RAB3IP: variants seen among roughly 807,000 people sequenced by gnomAD.
RAB3IP encodes the protein rab-3A-interacting protein.
In RAB3IP, 36 loss-of-function variants were observed where a neutral mutation model predicts 59.1. The ratio of observed to expected loss-of-function variants is 0.61; its 90% CI spans 0.47 to 0.80. The LOEUF is 0.80. Among genes scored for constraint, RAB3IP ranks in the 30% least tolerant of loss-of-function variants. The pLI is 0.00. For synonymous variants in RAB3IP, 207 were observed against 191.2 expected (o/e 1.08, Z -0.68); for missense variants, 511 against 536.0 (o/e 0.95, Z 0.46).
At chr12:69,796,380 C>T (rs1345918492) in intron 6 of RAB3IP, 1 of 287,046 alleles carries the variant, frequency 3.5e-6, no homozygotes, top group Non-Finnish European at 6.4e-6. Context: ...ATATTTTGAG[C>T]TGTTTAGAGT....
chr12:69,766,058 T>C (rs1391473538), intron 3 of RAB3IP, among the ~76,000 whole-genome samples: 1 of 152,210 alleles, frequency 6.6e-6, no homozygotes, highest in Middle Eastern at 3.2e-3. Flanking sequence ...ATCTAACCTT[T>C]TTCTCAGCCT....
At chr12:69,767,620 T>C (rs1872435958) in intron 3 of RAB3IP, among the ~76,000 whole-genome samples, 1 of 152,190 alleles carries the variant, frequency 6.6e-6, no homozygotes, top group Non-Finnish European at 1.5e-5. Context: ...AAATTCTTGA[T>C]CTAAGAGAGT....
intron 8 of RAB3IP, among the ~76,000 whole-genome samples, chr12:69,809,234 C>G (rs1363489880): frequency 2.0e-5 from 3 of 152,034 alleles, no homozygotes; most frequent in African/African-American, 7.3e-5. Flanking sequence ...GGCCCTCACT[C>G]TCTTCTGGCT....
chr12:69,759,832 C>T (rs555339554), intron 3 of RAB3IP, among the ~76,000 whole-genome samples: 16 of 151,954 alleles, frequency 1.1e-4, no homozygotes, highest in Admixed American at 4.6e-4. Context: ...GGCTGCCGGG[C>T]GGAGGGGCTC....
intron 3 of RAB3IP, among the ~76,000 whole-genome samples, chr12:69,766,294 C>G (rs960535071): frequency 2.0e-5 from 3 of 152,126 alleles, no homozygotes; most frequent in African/African-American, 7.2e-5. Context: ...GCCAATAATT[C>G]ATAGGTTTGT....
intron 3 of RAB3IP, among the ~76,000 whole-genome samples, chr12:69,780,214 G>A (rs929399834): frequency 6.6e-6 from 1 of 152,176 alleles, no homozygotes; most frequent in African/African-American, 2.4e-5. Context: ...ATGTTTCCCC[G>A]CAATTCCCTG....
In RAB3IP at chr12:69,816,277, A is replaced by G. The variant is rs1187805098; in HGVS notation, c.*831A>G. The G allele has an allele frequency of 1.3e-5, 2 of 152,168 alleles. No individual in the cohort carries two copies. Among genetic ancestry groups the G allele is most frequent in the South Asian group, 4.1e-4 (2 of 4,834 alleles). 9.4% of individuals were successfully genotyped at this position (152,168 alleles called of 1,614,324 possible). A position where few individuals can be genotyped will look rare whatever the true frequency, so the allele number is the denominator to read the frequency against. On this transcript the variant is annotated 3_prime_UTR_variant, in exon 11 of 11. Transcript: ENST00000247833. ...CATTCCAAATTGTAAAACTGACTCA[A>G]CTGGAGAAATTATAACAAAGAGGTT...
At chr12:69,787,740 T>C (rs1045830020) in intron 4 of RAB3IP, among the ~76,000 whole-genome samples, 1 of 152,174 alleles carries the variant, frequency 6.6e-6, no homozygotes, top group Non-Finnish European at 1.5e-5. Flanking sequence ...CCAAACTTTT[T>C]GATCCTGTAC....
At position 69,818,541 on chromosome 12, in the gene RAB3IP, T is replaced by C. The variant is rs1881377657; in HGVS notation, c.*3095T>C. 1 of 152,048 alleles carries C rather than the reference T, an allele frequency of 6.6e-6. No homozygotes were observed. Among genetic ancestry groups the C allele is most frequent in the Non-Finnish European group, 1.5e-5 (1 of 68,024 alleles). The allele number at this position is 152,048 out of a possible 1,614,324, so 9.4% of individuals were successfully genotyped here. A position where few individuals can be genotyped will look rare whatever the true frequency, so the allele number is the denominator to read the frequency against. On this transcript the variant is annotated 3_prime_UTR_variant, in exon 11 of 11. Coordinates refer to ENST00000247833, the MANE Select transcript of RAB3IP (RefSeq NM_022456.5). ...TTGCACAGGTCCCCCAGATCACACATATAAGAATGTTCTGGAATAAATTAA... is the reference window on the plus strand; with the variant it reads ...TTGCACAGGTCCCCCAGATCACACACATAAGAATGTTCTGGAATAAATTAA...
Position 69,823,096 on chromosome 12 carries a change from C to A in RAB3IP, c.*7650C>A, listed in dbSNP as rs781515440. On this transcript the variant is annotated 3_prime_UTR_variant, in exon 11 of 11. Transcript: ENST00000247833. The stretch of plus-strand genomic sequence containing the variant: ...TGATGGATATGCTAATTACCCTGAT[C>A]TGATCACTACACATTATATGTATGG... 1 of 152,104 alleles carries A rather than the reference C, an allele frequency of 6.6e-6. No individual in the cohort carries two copies. Among genetic ancestry groups the A allele is most frequent in the Non-Finnish European group, 1.5e-5 (1 of 68,016 alleles). The allele number at this position is 152,104 out of a possible 1,614,324, so 9.4% of individuals were successfully genotyped here.
chr12:69,766,615 G>A (rs911854705), intron 3 of RAB3IP, among the ~76,000 whole-genome samples: 1 of 151,818 alleles, frequency 6.6e-6, no homozygotes, highest in Non-Finnish European at 1.5e-5. Context: ...CCGCTTCCCA[G>A]GTTCAAGTGA....
chr12:69,758,748 G>A (rs1374206564), intron 3 of RAB3IP, among the ~76,000 whole-genome samples: 2 of 52,286 alleles, frequency 3.8e-5, no homozygotes, highest in Admixed American at 4.6e-4. Context: ...GCATCTGTGT[G>A]TTCATTCCTT....
chr12:69,786,802 AGGC>A (rs1555224653), intron 4 of RAB3IP, among the ~76,000 whole-genome samples: 6 of 151,544 alleles, frequency 4.0e-5, no homozygotes, highest in Non-Finnish European at 7.4e-5. Flanking sequence ...CTTAGGCAAT[AGGC>A]AATAAGTGAA....
At chr12:69,769,363 T>C (rs1052884839) in intron 3 of RAB3IP, among the ~76,000 whole-genome samples, 2 of 152,190 alleles carry the variant, frequency 1.3e-5, no homozygotes, top group African/African-American at 2.4e-5. Flanking sequence ...ACTCCAGGGA[T>C]TGGGAGAAAC....
chr12:69,755,355 A>C, intron 1 of RAB3IP, 29 bp from the exon 2 acceptor site: 1 of 1,560,996 alleles, frequency 6.4e-7, no homozygotes, highest in East Asian at 2.2e-5. Flanking sequence ...TTATCTAAAA[A>C]TAAGTATCTG....
chr12:69,749,168 G>A (rs553004222), intron 1 of RAB3IP, among the ~76,000 whole-genome samples: 9 of 152,260 alleles, frequency 5.9e-5, no homozygotes, highest in East Asian at 3.9e-4. Flanking sequence ...GGTAAGTGGC[G>A]GACAAGCGAG....
chr12:69,781,049 G>C (rs1874615493), intron 3 of RAB3IP, among the ~76,000 whole-genome samples: 1 of 152,092 alleles, frequency 6.6e-6, no homozygotes, highest in Admixed American at 6.5e-5. Context: ...AGAGCTTCAA[G>C]TTGTAACTCT....
chr12:69,747,238 T>C (rs1868441281), intron 1 of RAB3IP, among the ~76,000 whole-genome samples: 1 of 152,160 alleles, frequency 6.6e-6, no homozygotes, highest in Admixed American at 6.5e-5. Flanking sequence ...TGCTAAGCTC[T>C]TTAATTCTCA....
intron 3 of RAB3IP, among the ~76,000 whole-genome samples, chr12:69,760,261 T>A (rs1871095866): frequency 6.6e-6 from 1 of 152,174 alleles, no homozygotes; most frequent in Admixed American, 6.5e-5. Flanking sequence ...GCGCCTGCAA[T>A]AGCAGGCACT....
Sources: gnomAD v4.1 joint callset for allele counts (sites outside exome capture counted in the v4.1 genomes callset) on GRCh38, gnomAD v4.1.1 for gene constraint, MANE v1.5 for transcripts, NCBI Gene and HGNC (gene_info 2026-07-23, HGNC 2026-07-21) for gene names.